GPHN: variants seen among roughly 807,000 people sequenced by gnomAD.
GPHN encodes the protein gephyrin.
GPHN carries 17 observed loss-of-function variants against 95.5 expected under a neutral mutation model. The ratio of observed to expected loss-of-function variants is 0.18; its 90% CI spans 0.12 to 0.27. The LOEUF (loss-of-function observed/expected upper bound fraction) is 0.27, where lower values mean the gene tolerates loss of function less well. Among genes scored for constraint, GPHN ranks in the 10% least tolerant of loss-of-function variants. The pLI is 1.00. For missense variants in GPHN, 660 were observed against 978.1 expected (o/e 0.67, Z 4.34); for synonymous variants, 320 against 322.5 (o/e 0.99, Z 0.08).
At chr14:67,490,148 A>G in the GPHN span, among the ~76,000 whole-genome samples, 6 of 152,188 alleles carry the variant, frequency 3.9e-5, 1 homozygote, top group African/African-American at 1.4e-4. Flanking sequence ...AATGTTACTA[A>G]TCAAACATAG....
chr14:67,380,642 T>C, the GPHN span: 1 of 1,393,030 alleles, frequency 7.2e-7, no homozygotes, highest in Non-Finnish European at 9.7e-7. Context: ...TTGTTATTTA[T>C]TTATGTTTTT....
At chr14:67,191,163 G>C in the GPHN span, among the ~76,000 whole-genome samples, 1 of 152,198 alleles carries the variant, frequency 6.6e-6, no homozygotes, top group Non-Finnish European at 1.5e-5. Context: ...GAACCCAGGA[G>C]GTAGAGGTTG....
the GPHN span, chr14:67,589,413 G>A: frequency 5.1e-6 from 5 of 985,176 alleles, no homozygotes; most frequent in South Asian, 1.9e-4. Flanking sequence ...CTTGGCAAAA[G>A]TAGCTTTTGA....
At chr14:67,152,326 TTA>T (rs2081329022) in intron 18 of GPHN, among the ~76,000 whole-genome samples, 1 of 151,948 alleles carries the variant, frequency 6.6e-6, no homozygotes, top group Non-Finnish European at 1.5e-5. Context: ...CACTATATCA[TTA>T]TGATTTTTCT....
At chr14:67,651,158 G>T in the GPHN span, 11 of 963,710 alleles carry the variant, frequency 1.1e-5, no homozygotes, top group Non-Finnish European at 1.6e-5. Context: ...ATTTAAAGAA[G>T]TCATAAACAG....
intron 1 of GPHN, among the ~76,000 whole-genome samples, chr14:66,534,984 A>G (rs1411295957): frequency 3.3e-5 from 5 of 152,038 alleles, no homozygotes; most frequent in African/African-American, 1.2e-4. Context: ...ATTCTAATGA[A>G]CCTTAACTTA....
chr14:67,058,277 T>C (rs564515882), intron 10 of GPHN, among the ~76,000 whole-genome samples: 42 of 152,316 alleles, frequency 2.8e-4, no homozygotes, highest in African/African-American at 1.0e-3. Flanking sequence ...ACTTTGAAAA[T>C]TTTGCGATTT....
At chr14:66,821,882 TTAAG>T (rs1220217121) in intron 3 of GPHN, among the ~76,000 whole-genome samples, 1 of 152,232 alleles carries the variant, frequency 6.6e-6, no homozygotes, top group Non-Finnish European at 1.5e-5. Flanking sequence ...AATCTATATA[TTAAG>T]TGTTACCAGT....
chr14:67,028,476 C>T (rs1459557491), intron 10 of GPHN, among the ~76,000 whole-genome samples: 1 of 152,126 alleles, frequency 6.6e-6, no homozygotes, highest in African/African-American at 2.4e-5. Context: ...AATTTACATT[C>T]CCACCAACAG....
the GPHN span, among the ~76,000 whole-genome samples, chr14:67,493,597 C>G: frequency 1.3e-5 from 2 of 152,188 alleles, no homozygotes; most frequent in East Asian, 1.9e-4. Context: ...ATTTCCAACA[C>G]TGAGGGTCAG....
At chr14:66,687,284 C>G (rs1333565621) in intron 2 of GPHN, among the ~76,000 whole-genome samples, 1 of 152,030 alleles carries the variant, frequency 6.6e-6, no homozygotes, top group Non-Finnish European at 1.5e-5. Context: ...ACAGAACTCT[C>G]CACCCCAGCT....
At chr14:67,464,173 T>C in the GPHN span, among the ~76,000 whole-genome samples, 2 of 152,280 alleles carry the variant, frequency 1.3e-5, no homozygotes, top group South Asian at 4.1e-4. Context: ...GGAGTGCTTA[T>C]GTAGTAGGTA....
chr14:67,652,884 C>A, the GPHN span, among the ~76,000 whole-genome samples: 191 of 152,296 alleles, frequency 1.3e-3, 1 homozygote, highest in African/African-American at 4.3e-3. Context: ...ACCTCCACCC[C>A]CCAGGTTCAA....
the GPHN span, chr14:67,726,156 G>T: frequency 6.3e-7 from 1 of 1,588,080 alleles, no homozygotes; most frequent in Admixed American, 1.7e-5. Context: ...AACCACCTGG[G>T]TAAGTATCTT....
chr14:67,720,238 T>G, the GPHN span, among the ~76,000 whole-genome samples: 1 of 152,228 alleles, frequency 6.6e-6, no homozygotes, highest in Non-Finnish European at 1.5e-5. Flanking sequence ...GGGTTGTTAT[T>G]CCTTTTCTTA....
chr14:66,755,653 A>C (rs2058529797), intron 2 of GPHN, among the ~76,000 whole-genome samples: 1 of 152,116 alleles, frequency 6.6e-6, no homozygotes, highest in Non-Finnish European at 1.5e-5. Context: ...ATATTTTTAA[A>C]TAATTTTAAA....
intron 18 of GPHN, among the ~76,000 whole-genome samples, chr14:67,144,878 C>A (rs1398069886): frequency 6.6e-6 from 1 of 152,172 alleles, no homozygotes; most frequent in African/African-American, 2.4e-5. Flanking sequence ...AAAAAAATCT[C>A]ACATTACATC....
At chr14:67,150,914 A>G (rs892957412) in intron 18 of GPHN, among the ~76,000 whole-genome samples, 9 of 152,156 alleles carry the variant, frequency 5.9e-5, no homozygotes, top group African/African-American at 2.2e-4. Context: ...CTACAGATTT[A>G]TCCTAATTAT....
intron 17 of GPHN, among the ~76,000 whole-genome samples, chr14:67,142,669 T>C (rs912000609): frequency 1.3e-5 from 2 of 152,138 alleles, no homozygotes; most frequent in Non-Finnish European, 2.9e-5. Context: ...TTTCTAGGGA[T>C]CCTCCCCCCT....
Sources: allele counts gnomAD v4.1 joint callset (sites outside exome capture counted in the v4.1 genomes callset), GRCh38; gene constraint gnomAD v4.1.1; transcripts MANE v1.5; gene names NCBI Gene and HGNC (gene_info 2026-07-23, HGNC 2026-07-21).